TSPAN14: variants seen among roughly 807,000 people sequenced by gnomAD.
TSPAN14 encodes tetraspanin 14.
In TSPAN14, 16 loss-of-function variants were observed where a neutral mutation model predicts 36.6. The observed-to-expected ratio is 0.44, with a 90% CI of 0.30 to 0.66. The LOEUF (loss-of-function observed/expected upper bound fraction) is 0.66, where lower values mean the gene tolerates loss of function less well. TSPAN14 is among the 30% of genes least tolerant of loss of function. TSPAN14 has a pLI of 0.12. For missense variants in TSPAN14, 231 were observed against 355.1 expected, an observed-to-expected ratio of 0.65 and a Z score of 2.81; for synonymous variants, 139 against 143.8, an observed-to-expected ratio of 0.97 and a Z score of 0.24.
rs1846455646 is a variant in TSPAN14, at chr10:80,470,029, TATA to T, written c.-18+15663_-18+15665del. Among the ~76,000 whole-genome samples, 9 of 152,340 alleles carry T rather than the reference TATA, an allele frequency of 5.9e-5. No homozygotes were observed. The East Asian group carries it at 1.7e-3, about 29-fold the overall frequency. On this transcript the variant is annotated intron_variant, in intron 1 of 8. Transcript: ENST00000429989. ...TACTTTAAATCATCTCTAGATTACTTATAATAACTAATACAATGTAAATGCTAT... is the reference window on the plus strand; with the variant it reads ...TACTTTAAATCATCTCTAGATTACTTATAACTAATACAATGTAAATGCTAT...
In TSPAN14 at chr10:80,509,297, G is replaced by T. The variant is rs757012882; in HGVS notation, c.280-4G>T. The T allele has an allele frequency of 1.2e-6, 2 of 1,613,126 alleles. No individual in the cohort carries two copies. Among genetic ancestry groups the T allele is most frequent in the Non-Finnish European group, 1.7e-6 (2 of 1,179,656 alleles). ...ACTTCTGCTCCCGTCCCCTTCCCCTGCAGTTCTGTGGCACCATCGTGCTCA... is the reference window on the plus strand; with the variant it reads ...ACTTCTGCTCCCGTCCCCTTCCCCTTCAGTTCTGTGGCACCATCGTGCTCA... On this transcript the variant is annotated splice_region_variant and splice_polypyrimidine_tract_variant and intron_variant, in intron 4 of 8. Transcript: ENST00000429989. The surrounding 1 kb of genome is among the most constrained non-coding windows in gnomAD (Gnocchi z 4.7).
At chr10:80,504,253 G>C (rs1012686323) in intron 2 of TSPAN14, among the ~76,000 whole-genome samples, 1 of 152,222 alleles carries the variant, frequency 6.6e-6, no homozygotes, top group Admixed American at 6.5e-5. Flanking sequence ...GAGAGCTGGG[G>C]TGTGTGGCAG....
intron 1 of TSPAN14, among the ~76,000 whole-genome samples, chr10:80,480,451 A>G (rs1292887654): frequency 1.3e-5 from 2 of 152,208 alleles, no homozygotes; most frequent in Non-Finnish European, 2.9e-5. Context: ...AAGGTCTATA[A>G]ATCATGCTGC....
intron 8 of TSPAN14, among the ~76,000 whole-genome samples, chr10:80,517,144 G>C (rs569410697): frequency 1.3e-5 from 2 of 152,172 alleles, no homozygotes; most frequent in Non-Finnish European, 2.9e-5. Flanking sequence ...TTTTTGCCTT[G>C]AAGAGGGTGA....
intron 1 of TSPAN14, among the ~76,000 whole-genome samples, chr10:80,483,505 G>A (rs917511665): frequency 1.3e-5 from 2 of 151,992 alleles, no homozygotes; most frequent in African/African-American, 4.8e-5. Context: ...CCTTTTTTTG[G>A]GTGGTAAATG....
chr10:80,484,240 TA>T lies in TSPAN14; in HGVS notation c.-17-4964del, dbSNP rs754254301. On this transcript the variant is annotated intron_variant, in intron 1 of 8. Transcript: ENST00000429989. The stretch of plus-strand genomic sequence containing the variant: ...CTTGGGCAACAGAGCAGGACTTGTT[TA>T]AAAAAAAAAAAAGTGTAAAATAGTA... 9.8e-3 allele frequency among the ~76,000 whole-genome samples: 1,425 copies of T among 145,678 alleles called. 28 individuals carry two copies. Among genetic ancestry groups the T allele is most frequent in the African/African-American group, 0.029 (1,158 of 39,984 alleles).
intron 1 of TSPAN14, among the ~76,000 whole-genome samples, chr10:80,463,471 A>G (rs1344539476): frequency 1.3e-5 from 2 of 152,152 alleles, no homozygotes; most frequent in East Asian, 1.9e-4. Flanking sequence ...TCTCTTGTTT[A>G]TTACCCCAGT....
chr10:80,475,634 C>T (rs912148750), intron 1 of TSPAN14, among the ~76,000 whole-genome samples: 2 of 152,316 alleles, frequency 1.3e-5, no homozygotes, highest in East Asian at 3.9e-4. Flanking sequence ...GTTGCCCAGG[C>T]TGGAGTGCAG....
chr10:80,508,834 T>A lies in TSPAN14; in HGVS notation c.280-467T>A, dbSNP rs142978354. On this transcript the variant is annotated intron_variant, in intron 4 of 8. Coordinates refer to ENST00000429989, the Ensembl canonical transcript of TSPAN14. ...GATACGTAGGCACTCGATGGTTTTG[T>A]GTGTGTAGTGGGGAGTCATCAGATA... Among the ~76,000 whole-genome samples the A allele has an allele frequency of 2.1e-3, 314 of 152,292 alleles. 2 individuals carry two copies. Among genetic ancestry groups the A allele is most frequent in the African/African-American group, 7.1e-3 (296 of 41,558 alleles).
At chr10:80,491,182 C>T (rs79975608) in intron 2 of TSPAN14, among the ~76,000 whole-genome samples, 1,680 of 152,244 alleles carry the variant, frequency 0.011, 26 homozygotes, top group African/African-American at 0.038. Flanking sequence ...TCCTGTGGTC[C>T]GATAACTTTG....
chr10:80,517,784 C>T (rs952185214), intron 8 of TSPAN14, 121 bp from the exon 9 acceptor site: 22 of 946,624 alleles, frequency 2.3e-5, no homozygotes, highest in Non-Finnish European at 3.3e-5. Flanking sequence ...TCTACGTCTT[C>T]AGTCGCAGCT....
In TSPAN14 at chr10:80,480,674, G is replaced by A. The variant is rs530540811; in HGVS notation, c.-17-8543G>A. Reference sequence around the variant, plus strand: ...AAATCATCATTCTCAGTAAACTGTCGCAAGAACAAAAAACCAAACACCGTA... The same window carrying A: ...AAATCATCATTCTCAGTAAACTGTCACAAGAACAAAAAACCAAACACCGTA... On this transcript the variant is annotated intron_variant, in intron 1 of 8. Coordinates refer to ENST00000429989, the Ensembl canonical transcript of TSPAN14. 2.6e-5 allele frequency among the ~76,000 whole-genome samples: 4 copies of A among 152,036 alleles called. No homozygotes were observed. The South Asian group carries it at 6.2e-4, about 24-fold the overall frequency.
chr10:80,502,542 A>G (rs1307256849), intron 2 of TSPAN14, among the ~76,000 whole-genome samples: 1 of 151,938 alleles, frequency 6.6e-6, no homozygotes, highest in African/African-American at 2.4e-5. Flanking sequence ...CTCTGGGTTG[A>G]GTGTAGGGCA....
intron 1 of TSPAN14, among the ~76,000 whole-genome samples, chr10:80,469,331 T>G (rs550665023): frequency 6.6e-6 from 1 of 151,964 alleles, no homozygotes; most frequent in East Asian, 1.9e-4. Flanking sequence ...ATAAAGATGT[T>G]TTGGTGTATG....
At chr10:80,507,460 C>G (rs992311961) in intron 4 of TSPAN14, 86 bp downstream of exon 4, 7 of 1,574,784 alleles carry the variant, frequency 4.4e-6, no homozygotes, top group Non-Finnish European at 6.1e-6. Context: ...CTGGTCAGAG[C>G]AGGTGGCAGC....
chr10:80,455,464 C>T (rs1272814743), intron 1 of TSPAN14, among the ~76,000 whole-genome samples: 1 of 152,062 alleles, frequency 6.6e-6, no homozygotes, highest in African/African-American at 2.4e-5. Flanking sequence ...TTCCTCCCTT[C>T]CGAGAGGGAG....
chr10:80,510,717 AC>A (rs924651460), intron 5 of TSPAN14, among the ~76,000 whole-genome samples: 20 of 129,308 alleles, frequency 1.5e-4, no homozygotes, highest in African/African-American at 5.5e-4. Flanking sequence ...TACTAAAAAT[AC>A]AAAAAATTAG....
chr10:80,484,167 C>T (rs1232723757), intron 1 of TSPAN14, among the ~76,000 whole-genome samples: 1 of 151,380 alleles, frequency 6.6e-6, no homozygotes, highest in Non-Finnish European at 1.5e-5. Flanking sequence ...ATCACTTGAA[C>T]CAGGGAGGCG....
At chr10:80,511,818 T>C (rs1169420643) in intron 5 of TSPAN14, among the ~76,000 whole-genome samples, 2 of 150,360 alleles carry the variant, frequency 1.3e-5, no homozygotes, top group Non-Finnish European at 3.0e-5. Context: ...CTCTTTCCTT[T>C]CTTTCTTTCT....
Sources: gnomAD v4.1 joint callset for allele counts (sites outside exome capture counted in the v4.1 genomes callset) on GRCh38, gnomAD v4.1.1 for gene constraint, Gnocchi (gnomAD v3.1) non-coding constraint, MANE v1.5 for transcripts, NCBI Gene and HGNC (gene_info 2026-07-23, HGNC 2026-07-21) for gene names.